The following PRKG1 variants were observed in gnomAD, a reference collection of about 807,000 sequenced individuals.
PRKG1 encodes cGMP-dependent protein kinase 1.
PRKG1 carries 35 observed loss-of-function variants against 88.1 expected under a neutral mutation model. The ratio of observed to expected loss-of-function variants is 0.40; its 90% CI spans 0.30 to 0.53. The LOEUF (loss-of-function observed/expected upper bound fraction) is 0.53. Ranked by LOEUF, PRKG1 falls within the 20% of genes least tolerant of loss-of-function variation. The probability of loss-of-function intolerance (pLI) is 0.59; values close to 1 mark genes in which losing one functional copy is unlikely to be tolerated. For synonymous variants in PRKG1, 303 were observed against 292.5 expected (o/e 1.04, Z -0.37); for missense variants, 540 against 839.8 (o/e 0.64, Z 4.41).
At chr10:51,756,477 A>ACT (rs1837864214) in intron 3 of PRKG1, among the ~76,000 whole-genome samples, 1 of 126,472 alleles carries the variant, frequency 7.9e-6, no homozygotes. Context: ...ACAGAGTGAG[A>ACT]CTGTCTCAAA....
intron 2 of PRKG1, among the ~76,000 whole-genome samples, chr10:51,284,113 C>T (rs575157205): frequency 1.3e-5 from 2 of 152,010 alleles, no homozygotes; most frequent in Admixed American, 1.3e-4. Flanking sequence ...GTTTCTATTC[C>T]AGGTAGCAAG....
chr10:51,566,161 T>C (rs1044309928), intron 3 of PRKG1, among the ~76,000 whole-genome samples: 5 of 152,102 alleles, frequency 3.3e-5, no homozygotes, highest in African/African-American at 1.2e-4. Flanking sequence ...GGAGAAATTA[T>C]GGCACACTGG....
At chr10:51,259,263 G>T (rs1644311769) in intron 2 of PRKG1, among the ~76,000 whole-genome samples, 1 of 152,084 alleles carries the variant, frequency 6.6e-6, no homozygotes, top group African/African-American at 2.4e-5. Flanking sequence ...GAGGTTTTAG[G>T]CATGCCATTT....
chr10:51,274,322 A>G (rs1363701989), intron 2 of PRKG1, among the ~76,000 whole-genome samples: 1 of 152,162 alleles, frequency 6.6e-6, no homozygotes, highest in Non-Finnish European at 1.5e-5. Context: ...AACTTGTTAT[A>G]TATCACCTTA....
chr10:52,157,098 A>AT (rs1838130895), intron 8 of PRKG1, among the ~76,000 whole-genome samples: 1 of 151,072 alleles, frequency 6.6e-6, no homozygotes, highest in Admixed American at 6.6e-5. Flanking sequence ...CTCCCACCCT[A>AT]TTTTTAATTT....
At chr10:51,354,566 A>C (rs984673597) in intron 2 of PRKG1, among the ~76,000 whole-genome samples, 1 of 151,790 alleles carries the variant, frequency 6.6e-6, no homozygotes, top group Admixed American at 6.6e-5. Context: ...TGAATAATAC[A>C]ATACAACAAA....
intron 4 of PRKG1, among the ~76,000 whole-genome samples, chr10:51,835,743 A>G (rs7477477): frequency 0.67 from 101,954 of 151,984 alleles, 34,403 homozygotes; most frequent in African/African-American, 0.7. Context: ...ATTCCTTTGG[A>G]TATATACCCA....
intron 2 of PRKG1, among the ~76,000 whole-genome samples, chr10:51,349,970 G>A (rs186437594): frequency 6.6e-6 from 1 of 152,170 alleles, no homozygotes; most frequent in Non-Finnish European, 1.5e-5. Flanking sequence ...GATGCACTCA[G>A]ACAAATTTAA....
At chr10:51,052,113 A>G (rs1843569647) in intron 1 of PRKG1, among the ~76,000 whole-genome samples, 1 of 152,206 alleles carries the variant, frequency 6.6e-6, no homozygotes, top group Non-Finnish European at 1.5e-5. Flanking sequence ...AAAGACAATA[A>G]GCACATTTTG....
chr10:52,010,039 G>A (rs549827583), intron 5 of PRKG1, among the ~76,000 whole-genome samples: 1 of 152,118 alleles, frequency 6.6e-6, no homozygotes, highest in Admixed American at 6.6e-5. Flanking sequence ...TGATTAAAAA[G>A]TTAAATGTAA....
rs1007438082 is a variant in PRKG1 at position 51,114,792 on chromosome 10, C to T, written c.312-38372C>T. 5.5e-4 allele frequency among the ~76,000 whole-genome samples: 84 copies of T among 152,088 alleles called. 2 individuals are homozygous for T. The highest frequency in any genetic ancestry group is 1.8e-4 in the Non-Finnish European group (12 of 68,016). ...GGGTTAGATAAGGTGCATGCTAAAA[C>T]ATTGTATAGGTTTCTACAAATGACT... On this transcript the variant is annotated intron_variant, in intron 1 of 17. Transcript: ENST00000373980.
chr10:51,529,811 T>A (rs1420465051), intron 3 of PRKG1, among the ~76,000 whole-genome samples: 1 of 152,240 alleles, frequency 6.6e-6, no homozygotes, highest in Non-Finnish European at 1.5e-5. Context: ...AGACCTCATA[T>A]GTAAAAGCAC....
chr10:52,161,406 T>C (rs1170607884), intron 8 of PRKG1, among the ~76,000 whole-genome samples: 1 of 152,082 alleles, frequency 6.6e-6, no homozygotes, highest in South Asian at 2.1e-4. Flanking sequence ...GTTTACTATT[T>C]TGTTAAGTGG....
intron 9 of PRKG1, among the ~76,000 whole-genome samples, chr10:52,216,498 C>CA (rs1334350356): frequency 4.6e-5 from 7 of 152,218 alleles, no homozygotes; most frequent in African/African-American, 1.7e-4. Flanking sequence ...ATGGAACATC[C>CA]AAAATAGAAA....
chr10:52,105,027 A>G (rs1034702474), intron 7 of PRKG1, among the ~76,000 whole-genome samples: 19 of 152,240 alleles, frequency 1.2e-4, no homozygotes, highest in Non-Finnish European at 2.1e-4. Flanking sequence ...GACAATAAAT[A>G]TAATGGACAA....
intron 1 of PRKG1, among the ~76,000 whole-genome samples, chr10:51,141,974 T>TA (rs1845831427): frequency 6.6e-6 from 1 of 152,190 alleles, no homozygotes; most frequent in South Asian, 2.1e-4. Context: ...TTTTATATTT[T>TA]ATCTTTTAAT....
intron 5 of PRKG1, among the ~76,000 whole-genome samples, chr10:51,996,586 A>G (rs1411871151): frequency 1.3e-5 from 2 of 152,182 alleles, no homozygotes; most frequent in Non-Finnish European, 2.9e-5. Flanking sequence ...ATAATGAAAC[A>G]TCACCTCCCA....
chr10:51,405,530 C>A (rs1212755194), intron 2 of PRKG1, among the ~76,000 whole-genome samples: 2 of 152,174 alleles, frequency 1.3e-5, no homozygotes, highest in Non-Finnish European at 2.9e-5. Context: ...AATAAGTAAA[C>A]CATGTACTCT....
rs1173193781 is a variant in PRKG1 at position 51,981,461 on chromosome 10, C to A, written c.763-73023C>A. Among the ~76,000 whole-genome samples the A allele has an allele frequency of 2.4e-4, 37 of 151,992 alleles. 1 individual carries two copies. Among genetic ancestry groups the A allele is most frequent in the Admixed American group, 2.4e-3 (37 of 15,240 alleles). On this transcript the variant is annotated intron_variant, in intron 5 of 17. Transcript: ENST00000373980. Reference sequence around the variant, plus strand: ...ATTAGCCAGGCATAGTGGCATGTACCTGTAATCTCAGCTACTCAGGAGACT... The same window carrying A: ...ATTAGCCAGGCATAGTGGCATGTACATGTAATCTCAGCTACTCAGGAGACT...
Sources: allele counts gnomAD v4.1 joint callset (sites outside exome capture counted in the v4.1 genomes callset), GRCh38; gene constraint gnomAD v4.1.1; transcripts MANE v1.5; gene names NCBI Gene and HGNC (gene_info 2026-07-23, HGNC 2026-07-21).